GPC6: variants seen among roughly 807,000 people sequenced by gnomAD.
GPC6 encodes glypican 6.
A neutral mutation model predicts 55.2 loss-of-function variants in GPC6; 14 were observed. That is an observed-to-expected ratio of 0.25 (90% CI 0.17 to 0.40). The LOEUF (loss-of-function observed/expected upper bound fraction) is 0.40. Ranked by LOEUF, GPC6 falls within the 10% of genes least tolerant of loss-of-function variation. GPC6 has a pLI of 1.00. For synonymous variants in GPC6, 278 were observed against 259.6 expected, an observed-to-expected ratio of 1.07 and a Z score of -0.68; for missense variants, 641 against 708.5, an observed-to-expected ratio of 0.90 and a Z score of 1.08.
intron 1 of GPC6, among the ~76,000 whole-genome samples, chr13:93,464,731 C>G (rs1266866443): frequency 6.6e-6 from 1 of 152,142 alleles, no homozygotes; most frequent in East Asian, 1.9e-4. Flanking sequence ...TTTTGATTTC[C>G]TCTCATGGAT....
rs191907438 is a variant in GPC6, at chr13:93,523,726, C to G, written c.161-21537C>G. On this transcript the variant is annotated intron_variant, in intron 1 of 8. Transcript: ENST00000377047. The stretch of plus-strand genomic sequence containing the variant: ...AAAAGTCTTGATGTTGCTTTGCTAA[C>G]TTTTCCATTTGTTTGGAATTTTTTT... Among the ~76,000 whole-genome samples the G allele has an allele frequency of 3.0e-4, 46 of 152,122 alleles. No homozygotes were observed. In the East Asian group the frequency reaches 8.7e-3, roughly 29 times the overall value.
chr13:93,618,604 A>G (rs1878822423), intron 2 of GPC6, among the ~76,000 whole-genome samples: 1 of 152,158 alleles, frequency 6.6e-6, no homozygotes, highest in African/African-American at 2.4e-5. Context: ...GGATGGAAGA[A>G]GGTTGAAAAT....
chr13:93,767,849 A>G (rs1885171477), intron 2 of GPC6, among the ~76,000 whole-genome samples: 1 of 152,222 alleles, frequency 6.6e-6, no homozygotes, highest in Admixed American at 6.5e-5. Context: ...ATGAGGAAAC[A>G]TCTGATGTCC....
intron 4 of GPC6, among the ~76,000 whole-genome samples, chr13:94,271,366 A>ACGCGCGCG (rs35593846): frequency 0.027 from 3,558 of 130,884 alleles, 82 homozygotes; most frequent in Non-Finnish European, 0.043. Flanking sequence ...ACACACACAC[A>ACGCGCGCG]CGCGCGCGCG....
At chr13:94,341,565 A>G (rs934428042) in intron 6 of GPC6, among the ~76,000 whole-genome samples, 1 of 151,120 alleles carries the variant, frequency 6.6e-6, no homozygotes, top group African/African-American at 2.4e-5. Flanking sequence ...AGCCTGGGCA[A>G]CAAAAGCAAA....
At chr13:93,375,063 T>C (rs1874829719) in intron 1 of GPC6, among the ~76,000 whole-genome samples, 1 of 152,216 alleles carries the variant, frequency 6.6e-6, no homozygotes, top group Non-Finnish European at 1.5e-5. Flanking sequence ...TTCGTGCCAC[T>C]TCTGTCTTTG....
intron 2 of GPC6, among the ~76,000 whole-genome samples, chr13:93,765,037 G>A (rs183608792): frequency 4.5e-4 from 69 of 152,174 alleles, no homozygotes; most frequent in African/African-American, 1.4e-3. Context: ...CTGACCTCGC[G>A]ATCCACCCTC....
At chr13:93,936,592 A>G (rs1878445313) in intron 3 of GPC6, among the ~76,000 whole-genome samples, 2 of 152,204 alleles carry the variant, frequency 1.3e-5, no homozygotes, top group African/African-American at 4.8e-5. Context: ...TAATTACATT[A>G]TGCACCTACT....
At chr13:93,598,413 T>C (rs368427748) in intron 2 of GPC6, among the ~76,000 whole-genome samples, 2 of 152,348 alleles carry the variant, frequency 1.3e-5, no homozygotes, top group East Asian at 1.9e-4. Context: ...GAGATGGGAC[T>C]CAGGTGAATT....
chr13:93,377,902 G>C (rs1013717846), intron 1 of GPC6, among the ~76,000 whole-genome samples: 1 of 152,192 alleles, frequency 6.6e-6, no homozygotes, highest in East Asian at 1.9e-4. Flanking sequence ...GGGTTGAAAA[G>C]TTAATCATAC....
chr13:93,945,825 A>G (rs949366580), intron 3 of GPC6, among the ~76,000 whole-genome samples: 10 of 152,220 alleles, frequency 6.6e-5, no homozygotes, highest in African/African-American at 1.9e-4. Context: ...AAATGAATGT[A>G]GTTCCAACAT....
chr13:93,780,597 AC>A (rs1291460638), intron 2 of GPC6, among the ~76,000 whole-genome samples: 1 of 55,876 alleles, frequency 1.8e-5, no homozygotes, highest in East Asian at 5.3e-4. Flanking sequence ...ACAAAAATAC[AC>A]ACACACACAC....
chr13:93,504,465 A>C (rs1566393080), intron 1 of GPC6, among the ~76,000 whole-genome samples: 1 of 147,442 alleles, frequency 6.8e-6, no homozygotes, highest in African/African-American at 2.5e-5. Context: ...ACACATTATA[A>C]AAATAAAAAC....
At chr13:93,488,925 G>C (rs1052075907) in intron 1 of GPC6, among the ~76,000 whole-genome samples, 3 of 152,078 alleles carry the variant, frequency 2.0e-5, no homozygotes, top group Non-Finnish European at 4.4e-5. Flanking sequence ...TAGGTTGCCT[G>C]TTCCCGCTGA....
chr13:93,834,797 T>C (rs1270462454), intron 3 of GPC6, among the ~76,000 whole-genome samples: 3 of 152,160 alleles, frequency 2.0e-5, no homozygotes, highest in Non-Finnish European at 4.4e-5. Flanking sequence ...CCATGTTCCA[T>C]ATTGTGCTAA....
chr13:94,242,337 G>A (rs1318296748), intron 4 of GPC6, among the ~76,000 whole-genome samples: 2 of 152,138 alleles, frequency 1.3e-5, no homozygotes, highest in African/African-American at 2.4e-5. Flanking sequence ...TCAGTGTGGC[G>A]ATTCCTCAGG....
At chr13:93,839,609 A>G (rs1347829774) in intron 3 of GPC6, among the ~76,000 whole-genome samples, 1 of 152,126 alleles carries the variant, frequency 6.6e-6, no homozygotes, top group African/African-American at 2.4e-5. Context: ...CATCGTCATC[A>G]CTTACACATG....
chr13:93,838,360 A>G (rs1294179755), intron 3 of GPC6, among the ~76,000 whole-genome samples: 1 of 152,120 alleles, frequency 6.6e-6, no homozygotes, highest in Non-Finnish European at 1.5e-5. Context: ...GAATCATCAG[A>G]TGTGGACTTA....
chr13:93,767,540 C>T (rs531868484), intron 2 of GPC6, among the ~76,000 whole-genome samples: 2 of 152,244 alleles, frequency 1.3e-5, no homozygotes, highest in Admixed American at 6.5e-5. Flanking sequence ...GCTAAAATAA[C>T]CCCATTTTAG....
Sources: gnomAD v4.1 joint callset for allele counts (sites outside exome capture counted in the v4.1 genomes callset) on GRCh38, gnomAD v4.1.1 for gene constraint, MANE v1.5 for transcripts, NCBI Gene and HGNC (gene_info 2026-07-23, HGNC 2026-07-21) for gene names.